COPS8: variants seen among roughly 807,000 people sequenced by gnomAD.
The protein encoded by COPS8 is COP9 signalosome complex subunit 8.
COPS8 carries 11 observed loss-of-function variants against 31.5 expected under a neutral mutation model. The observed-to-expected ratio is 0.35, with a 90% confidence interval of 0.22 to 0.58. COPS8 has a LOEUF of 0.58. Ranked by LOEUF, COPS8 falls within the 20% of genes least tolerant of loss-of-function variation. The pLI, the probability that COPS8 is intolerant of heterozygous loss-of-function variation, is 0.83. For missense variants in COPS8, 215 were observed against 255.1 expected (o/e 0.84, Z 1.07); for synonymous variants, 81 against 89.3 (o/e 0.91, Z 0.52).
Position 237,100,375 on chromosome 2 carries a change from G to A in COPS8, c.*2633G>A, listed in dbSNP as rs1169771783. The stretch of plus-strand genomic sequence containing the variant: ...AAAATTTGCTCTGGGACTTACCCTG[G>A]CACTACTATCAGGATGCCCACACAA... On this transcript the variant is annotated 3_prime_UTR_variant, in exon 8 of 8. Transcript: ENST00000354371. 1 of 152,076 alleles carries A rather than the reference G, an allele frequency of 6.6e-6. No homozygotes were observed. Among genetic ancestry groups the A allele is most frequent in the Non-Finnish European group, 1.5e-5 (1 of 68,030 alleles). 9.4% of individuals were successfully genotyped at this position (152,076 alleles called of 1,614,324 possible).
chr2:237,088,654 G>A lies in COPS8; in HGVS notation c.198+1G>A. 6.3e-7 allele frequency: 1 copy of A among 1,580,996 alleles called. No individual in the cohort carries two copies. The highest frequency in any genetic ancestry group is 8.7e-7 in the Non-Finnish European group (1 of 1,155,928). ...AAGAATACCACCTGCTATAAAATCT[G>A]TAAGTATCCTTTAAACCTATTTTAC... On this transcript the variant is annotated splice_donor_variant, in intron 3 of 7. Coordinates refer to ENST00000354371, the MANE Select transcript of COPS8 (RefSeq NM_006710.5). LOFTEE classifies it high-confidence loss of function.
rs1176177531 is a variant in COPS8, at chr2:237,099,515, CTTT to C, written c.*1777_*1779del. 1 of 145,360 alleles carries C rather than the reference CTTT, an allele frequency of 6.9e-6. No individual in the cohort carries two copies. Among genetic ancestry groups the C allele is most frequent in the African/African-American group, 2.6e-5 (1 of 37,948 alleles). 9.0% of individuals were successfully genotyped at this position (145,360 alleles called of 1,614,324 possible). A position where few individuals can be genotyped will look rare whatever the true frequency, so the allele number is the denominator to read the frequency against. On this transcript the variant is annotated 3_prime_UTR_variant, in exon 8 of 8. Coordinates refer to ENST00000354371, the MANE Select transcript of COPS8 (RefSeq NM_006710.5). ...GATTAATTTCACAAAATCTTGATAT[CTTT>C]TTTATTATTAAAAGTATAGATTAAA...
intron 4 of COPS8, 164 bp from the exon 5 acceptor site, chr2:237,093,926 G>A (rs964354715): frequency 1.5e-5 from 20 of 1,329,272 alleles, no homozygotes; most frequent in Admixed American, 3.5e-5. Context: ...TGAACCCCCC[G>A]TACATACTGG....
chr2:237,086,193 G>T, intron 1 of COPS8, 151 bp downstream of exon 1: 3 of 746,680 alleles, frequency 4.0e-6, no homozygotes, highest in South Asian at 3.3e-5. Flanking sequence ...CCTGACCGCC[G>T]CAACCTGCTC....
At chr2:237,087,055 GAAAGTT>G (rs1696629736) in intron 1 of COPS8, 66 bp from the exon 2 acceptor site, 1 of 941,668 alleles carries the variant, frequency 1.1e-6, no homozygotes, top group African/African-American at 1.7e-5. Flanking sequence ...TTTTAAAAAT[GAAAGTT>G]AAAGGGTAAA....
chr2:237,096,855 T>G lies in COPS8; in HGVS notation c.536T>G (p.Phe179Cys). The G allele has an allele frequency of 6.2e-7, 1 of 1,610,364 alleles. No individual in the cohort carries two copies. The highest frequency in any genetic ancestry group is 8.5e-7 in the Non-Finnish European group (1 of 1,177,744). Reference sequence around the variant, plus strand: ...GCCCTGGATGTTTCCTTTAACAAGTTTATTCCCTTATCAGGTATGTATTTT... The same window carrying G: ...GCCCTGGATGTTTCCTTTAACAAGTGTATTCCCTTATCAGGTATGTATTTT... Reference protein sequence around the residue: ...AGALDVSFNKFIPLSEPAPVP... With the variant: ...AGALDVSFNKCIPLSEPAPVP... Residue 179 changes from phenylalanine to cysteine, a missense_variant, in exon 7 of 8, where the codon TTT becomes TGT. Transcript: ENST00000354371.
rs1410180698 is a variant in COPS8, at chr2:237,096,573, A to ACAT, written c.503-248_503-246dup. On this transcript the variant is annotated intron_variant, in intron 6 of 7. Coordinates refer to ENST00000354371, the MANE Select transcript of COPS8 (RefSeq NM_006710.5). ...AATGCCTATGTTTAGACATTGCTGA[A>ACAT]CATACAGTAAAGGATTCTCAATGTG... 5 of 543,184 alleles carry ACAT rather than the reference A, an allele frequency of 9.2e-6. No individual in the cohort carries two copies. In the East Asian group the frequency reaches 1.6e-4, roughly 17 times the overall value. 33.6% of individuals were successfully genotyped at this position (543,184 alleles called of 1,614,324 possible). A position where few individuals can be genotyped will look rare whatever the true frequency, so the allele number is the denominator to read the frequency against.
At chr2:237,086,481 T>C (rs1049822609) in intron 1 of COPS8, among the ~76,000 whole-genome samples, 1 of 152,118 alleles carries the variant, frequency 6.6e-6, no homozygotes, top group Non-Finnish European at 1.5e-5. Flanking sequence ...ACAAAGCCTT[T>C]CTCGTAATGT....
At chr2:237,094,420 C>T (rs1307183317) in intron 5 of COPS8, among the ~76,000 whole-genome samples, 1 of 152,112 alleles carries the variant, frequency 6.6e-6, no homozygotes, top group East Asian at 1.9e-4. Context: ...AGTATCCACA[C>T]AGTTGGTTAC....
intron 1 of COPS8, 78 bp from the exon 2 acceptor site, chr2:237,087,049 A>C: frequency 1.1e-6 from 1 of 893,186 alleles, no homozygotes; most frequent in African/African-American, 1.7e-5. Context: ...ATATTATTTT[A>C]AAAATGAAAG....
Position 237,086,012 on chromosome 2 carries a change from G to C in COPS8, c.48G>C (p.Leu16Phe), listed in dbSNP as rs1380623240. Residue 16 changes from leucine to phenylalanine, a missense_variant, in exon 1 of 8, where the codon TTG (leucine) becomes TTC (phenylalanine). Leu to Phe is a conservative substitution (Grantham distance 22, BLOSUM62 0). Coordinates refer to ENST00000354371, the MANE Select transcript of COPS8 (RefSeq NM_006710.5). ...MAESAFSFKK[L>F]LDQCENQELE... Reference sequence around the variant, plus strand: ...AAAGCGCCTTTAGTTTCAAAAAGTTGCTGGATCAGTGCGAGAACCAGGAGC... The same window carrying C: ...AAAGCGCCTTTAGTTTCAAAAAGTTCCTGGATCAGTGCGAGAACCAGGAGC... 4 of 1,613,792 alleles carry C rather than the reference G, an allele frequency of 2.5e-6. No individual in the cohort carries two copies. The highest frequency in any genetic ancestry group is 3.3e-5 in the Admixed American group (2 of 60,006).
At chr2:237,089,346 G>A (rs922020973) in intron 3 of COPS8, among the ~76,000 whole-genome samples, 1 of 151,816 alleles carries the variant, frequency 6.6e-6, no homozygotes, top group African/African-American at 2.4e-5. Context: ...ATATTCCTCA[G>A]CTTCTTTGGC....
At chr2:237,086,641 A>G (rs1384292163) in intron 1 of COPS8, 1 of 184,790 alleles carries the variant, frequency 5.4e-6, no homozygotes, top group Non-Finnish European at 1.0e-5. Flanking sequence ...GCAGCAGCTC[A>G]CTAATAGATA....
chr2:237,095,239 C>T lies in COPS8; in HGVS notation c.440-583C>T, dbSNP rs540863816. ...CTTCAGAGCTCGTATTCTCAGCTGA[C>T]CACCTGGATGTGAATGCTGGTACCA... is the stretch of plus-strand genomic sequence containing the variant. On this transcript the variant is annotated intron_variant, in intron 5 of 7. Transcript: ENST00000354371. 4.6e-5 allele frequency among the ~76,000 whole-genome samples: 7 copies of T among 152,240 alleles called. No individual in the cohort carries two copies. In the East Asian group the frequency reaches 9.7e-4, roughly 21 times the overall value.
chr2:237,096,072 A>G (rs1333211076), intron 6 of COPS8, among the ~76,000 whole-genome samples, 188 bp downstream of exon 6: 3 of 152,170 alleles, frequency 2.0e-5, no homozygotes, highest in Non-Finnish European at 4.4e-5. Context: ...TTAAAAATGT[A>G]TTTCCTGTAT....
chr2:237,093,879 A>T, intron 4 of COPS8: 1 of 1,190,954 alleles, frequency 8.4e-7, no homozygotes, highest in South Asian at 3.9e-5. Flanking sequence ...TTCATCCAAG[A>T]GGAAGTGTAA....
At chr2:237,088,091 GGTTTTT>G (rs749689743) in intron 2 of COPS8, among the ~76,000 whole-genome samples, 1 of 151,858 alleles carries the variant, frequency 6.6e-6, no homozygotes, top group Non-Finnish European at 1.5e-5. Flanking sequence ...ACATATGTAA[GGTTTTT>G]GTTTTTGTTT....
intron 2 of COPS8, among the ~76,000 whole-genome samples, chr2:237,088,246 A>G (rs72973998): frequency 0.023 from 3,516 of 152,286 alleles, 51 homozygotes; most frequent in Middle Eastern, 0.065. Flanking sequence ...TTGTCAGGGA[A>G]TGCTACAGCC....
intron 6 of COPS8, among the ~76,000 whole-genome samples, chr2:237,096,498 A>G (rs991882555): frequency 3.9e-5 from 6 of 152,260 alleles, no homozygotes; most frequent in South Asian, 4.1e-4. Flanking sequence ...GCCCACTTCC[A>G]TAAACCCGCC....
Sources: allele counts gnomAD v4.1 joint callset (sites outside exome capture counted in the v4.1 genomes callset), GRCh38; gene constraint gnomAD v4.1.1; transcripts MANE v1.5; gene names NCBI Gene and HGNC (gene_info 2026-07-23, HGNC 2026-07-21).